Variants in SPATA17 observed in about 807,000 individuals in gnomAD.
SPATA17 encodes the protein spermatogenesis associated 17.
SPATA17 carries 53 observed loss-of-function variants against 62.2 expected under a neutral mutation model. The ratio of observed to expected loss-of-function variants is 0.85; its 90% CI spans 0.68 to 1.07. SPATA17 has a LOEUF of 1.07. Ranked by LOEUF, SPATA17 falls within the 50% of genes least tolerant of loss-of-function variation. The pLI is 0.00. For missense variants in SPATA17, 466 were observed against 425.5 expected (o/e 1.10, Z -0.84); for synonymous variants, 146 against 146.8 (o/e 0.99, Z 0.04).
intron 1 of SPATA17, among the ~76,000 whole-genome samples, chr1:217,636,388 A>AATT (rs34766852): frequency 0.11 from 16,689 of 151,498 alleles, 1,140 homozygotes; most frequent in Non-Finnish European, 0.16. Context: ...CACTGAACAA[A>AATT]ATTATTATTA....
chr1:217,843,680 A>G (rs1675462540), intron 9 of SPATA17, among the ~76,000 whole-genome samples: 1 of 151,862 alleles, frequency 6.6e-6, no homozygotes, highest in Non-Finnish European at 1.5e-5. Context: ...TGTTACCACT[A>G]CTCAACTCTG....
At chr1:217,857,585 G>C (rs1006182526) in intron 9 of SPATA17, among the ~76,000 whole-genome samples, 5 of 152,176 alleles carry the variant, frequency 3.3e-5, no homozygotes, top group African/African-American at 9.6e-5. Context: ...CACTGTGCAA[G>C]TGTGCAGGTG....
chr1:217,771,030 G>T (rs1396535926), intron 6 of SPATA17, among the ~76,000 whole-genome samples: 1 of 83,692 alleles, frequency 1.2e-5, no homozygotes, highest in African/African-American at 4.9e-5. Flanking sequence ...AGTCAGAATC[G>T]TAGCCTTTAA....
chr1:217,714,592 C>G (rs991546892), intron 5 of SPATA17, among the ~76,000 whole-genome samples: 4 of 149,782 alleles, frequency 2.7e-5, no homozygotes, highest in Non-Finnish European at 5.9e-5. Flanking sequence ...TCACGCCATT[C>G]TCCTGCCTCA....
chr1:217,651,063 A>C lies in SPATA17; in HGVS notation c.159-34A>C, dbSNP rs182529181. ...GATTTAACTGACCTTGTTTCAATGA[A>C]AGGATACTAATAAGCATATTTTTTT... On this transcript the variant is annotated intron_variant, in intron 2 of 10. Transcript: ENST00000366933. 3.3e-3 allele frequency: 4,821 copies of C among 1,477,782 alleles called. 9 individuals are homozygous for C. The highest frequency in any genetic ancestry group is 4.1e-3 in the Non-Finnish European group (4,379 of 1,069,658). The allele number at this position is 1,477,782 out of a possible 1,614,324, so 91.5% of individuals were successfully genotyped here. A position where few individuals can be genotyped will look rare whatever the true frequency, so the allele number is the denominator to read the frequency against.
At chr1:217,691,185 A>G (rs1671345934) in intron 5 of SPATA17, among the ~76,000 whole-genome samples, 1 of 149,076 alleles carries the variant, frequency 6.7e-6, no homozygotes, top group South Asian at 2.2e-4. Context: ...CACCATTCTA[A>G]CTGGTGTGAG....
intron 9 of SPATA17, among the ~76,000 whole-genome samples, chr1:217,856,547 C>T (rs975829859): frequency 6.6e-6 from 1 of 152,172 alleles, no homozygotes; most frequent in Non-Finnish European, 1.5e-5. Flanking sequence ...AAAGGAACTT[C>T]GTTTCCTGTT....
intron 3 of SPATA17, among the ~76,000 whole-genome samples, chr1:217,665,000 C>G (rs548873739): frequency 6.6e-6 from 1 of 151,924 alleles, no homozygotes; most frequent in East Asian, 1.9e-4. Flanking sequence ...AAAAAACGTG[C>G]AGTAATTTGA....
intron 5 of SPATA17, among the ~76,000 whole-genome samples, chr1:217,716,026 C>T (rs1403353734): frequency 6.6e-6 from 1 of 152,090 alleles, no homozygotes; most frequent in Non-Finnish European, 1.5e-5. Context: ...TGAACATAAT[C>T]TCTCATCCTT....
chr1:217,782,803 A>G (rs1048395052), intron 8 of SPATA17, among the ~76,000 whole-genome samples: 1 of 135,180 alleles, frequency 7.4e-6, no homozygotes, highest in Admixed American at 7.7e-5. Context: ...AGAATCATTT[A>G]ATAGCATATG....
chr1:217,633,271 C>T (rs1250451855), intron 1 of SPATA17, among the ~76,000 whole-genome samples: 1 of 151,868 alleles, frequency 6.6e-6, no homozygotes, highest in Non-Finnish European at 1.5e-5. Context: ...GAAAGGGAAA[C>T]AACCAGTATT....
intron 9 of SPATA17, among the ~76,000 whole-genome samples, chr1:217,847,594 G>A (rs368013461): frequency 6.6e-5 from 10 of 152,166 alleles, no homozygotes; most frequent in East Asian, 3.9e-4. Flanking sequence ...ACTAATTTCC[G>A]TTGACTATCT....
At chr1:217,635,765 T>C (rs1262689331) in intron 1 of SPATA17, among the ~76,000 whole-genome samples, 5 of 141,450 alleles carry the variant, frequency 3.5e-5, no homozygotes, top group Admixed American at 6.9e-5. Flanking sequence ...GTCTGGGTTA[T>C]GATAACGGGA....
At chr1:217,814,852 AAAAAT>A (rs1674674461) in intron 9 of SPATA17, among the ~76,000 whole-genome samples, 1 of 152,138 alleles carries the variant, frequency 6.6e-6, no homozygotes, top group African/African-American at 2.4e-5. Flanking sequence ...CATCTCTTAA[AAAAAT>A]AAAATAAGAA....
chr1:217,823,657 T>C (rs1674922612), intron 9 of SPATA17, among the ~76,000 whole-genome samples: 2 of 151,972 alleles, frequency 1.3e-5, no homozygotes, highest in Admixed American at 1.3e-4. Flanking sequence ...AAATCTAATA[T>C]TTCTTAGTTG....
At position 217,839,634 on chromosome 1, in the gene SPATA17, C is replaced by A. The variant is rs567080564; in HGVS notation, c.1006-23140C>A. Among the ~76,000 whole-genome samples the A allele has an allele frequency of 4.0e-5, 6 of 151,832 alleles. No individual in the cohort carries two copies. In the South Asian group the frequency reaches 6.2e-4, roughly 16 times the overall value. ...TCAAGTGGTAGAAAGCTAATAAAAC[C>A]ACTACCAAAATAAAATTTGATACAC... On this transcript the variant is annotated intron_variant, in intron 9 of 10. Transcript: ENST00000366933.
rs909289919 is a variant in SPATA17 at position 217,869,107 on chromosome 1, T to C, written c.*2088T>C. 6.6e-6 allele frequency: 1 copy of C among 152,200 alleles called. No individual in the cohort carries two copies. The highest frequency in any genetic ancestry group is 2.4e-5 in the African/African-American group (1 of 41,420). The allele number at this position is 152,200 out of a possible 1,614,324, so 9.4% of individuals were successfully genotyped here. On this transcript the variant is annotated 3_prime_UTR_variant, in exon 11 of 11. Transcript: ENST00000366933. ...AAGGTGGTCAAGCTATACAACTTGG[T>C]TTTATACATTTTAAGGAGACATAAG...
At position 217,801,742 on chromosome 1, in the gene SPATA17, T is replaced by A; in HGVS notation, c.897T>A (p.His299Gln). The A allele has an allele frequency of 6.2e-7, 1 of 1,605,882 alleles. No individual in the cohort carries two copies. The highest frequency in any genetic ancestry group is 1.3e-5 in the African/African-American group (1 of 74,556). ...GGTTTTTGCCATTTTCTTCATACCA[T>A]AAAAATGAAAAGTACATCCCATCAA... ...DNMFLPFSSY[H>Q]KNEKYIPSMH... Residue 299 changes from histidine to glutamine, a missense_variant, in exon 9 of 11, where the codon CAT (histidine) becomes CAA (glutamine). Coordinates refer to ENST00000366933, the MANE Select transcript of SPATA17 (RefSeq NM_138796.4).
chr1:217,751,683 A>T (rs540972997), intron 6 of SPATA17, among the ~76,000 whole-genome samples: 3 of 152,300 alleles, frequency 2.0e-5, no homozygotes, highest in African/African-American at 7.2e-5. Flanking sequence ...GTTTTAAAAA[A>T]ATCTTGTTGT....
Sources: gnomAD v4.1 joint callset for allele counts (sites outside exome capture counted in the v4.1 genomes callset) on GRCh38, gnomAD v4.1.1 for gene constraint, MANE v1.5 for transcripts, NCBI Gene and HGNC (gene_info 2026-07-23, HGNC 2026-07-21) for gene names.